The following MCUB variants were observed in gnomAD, a reference collection of about 807,000 sequenced individuals.
MCUB encodes the protein calcium uniporter regulatory subunit MCUb, mitochondrial.
Under a neutral mutation model 41.4 loss-of-function variants are expected in MCUB, and 46 were observed. The ratio of observed to expected loss-of-function variants is 1.11; its 90% confidence interval spans 0.88 to 1.42. MCUB has a LOEUF of 1.42. Among genes scored for constraint, MCUB ranks in the 40% most tolerant of loss-of-function variants. The pLI is 0.00. For synonymous variants in MCUB, 148 were observed against 148.2 expected, an observed-to-expected ratio of 1.00 and a Z score of 0.01; for missense variants, 403 against 404.9, an observed-to-expected ratio of 1.00 and a Z score of 0.04.
In MCUB at chr4:109,660,799, G is replaced by A. The variant is rs187485522; in HGVS notation, c.346+434G>A. The stretch of plus-strand genomic sequence containing the variant: ...CCATTGCACTCCAGTCTGGGCAACA[G>A]GAGTGAAACTCCATCCCAAGAAAAG... On this transcript the variant is annotated intron_variant, in intron 3 of 7. Coordinates refer to ENST00000394650, the MANE Select transcript of MCUB (RefSeq NM_017918.5). Among the ~76,000 whole-genome samples the A allele has an allele frequency of 2.0e-3, 299 of 150,890 alleles. 1 individual carries two copies. Among genetic ancestry groups the A allele is most frequent in the African/African-American group, 7.1e-3 (292 of 41,014 alleles).
At chr4:109,576,270 C>T (rs7678204) in intron 1 of MCUB, among the ~76,000 whole-genome samples, 14,639 of 152,156 alleles carry the variant, frequency 0.096, 2,096 homozygotes, top group African/African-American at 0.31. Flanking sequence ...TAGAGACATT[C>T]CTAAGTCCTC....
intron 1 of MCUB, among the ~76,000 whole-genome samples, chr4:109,624,859 G>A (rs1049421866): frequency 1.3e-5 from 2 of 152,102 alleles, no homozygotes; most frequent in Non-Finnish European, 2.9e-5. Context: ...ACCTGATGTC[G>A]GCCAGGCTGG....
At chr4:109,659,720 G>C (rs1340626731) in intron 2 of MCUB, among the ~76,000 whole-genome samples, 1 of 152,106 alleles carries the variant, frequency 6.6e-6, no homozygotes. Flanking sequence ...GCAGTGGCAC[G>C]ATCTCGGCTC....
At chr4:109,684,840 G>A (rs1260137043) in intron 6 of MCUB, 194 bp downstream of exon 6, 1 of 498,568 alleles carries the variant, frequency 2.0e-6, no homozygotes, top group African/African-American at 2.0e-5. Flanking sequence ...TAACTTCTTT[G>A]GAGAAGTAAT....
chr4:109,630,828 G>A (rs1398454369), intron 1 of MCUB, among the ~76,000 whole-genome samples: 2 of 152,110 alleles, frequency 1.3e-5, no homozygotes, highest in East Asian at 1.9e-4. Context: ...TGACCCACCC[G>A]CCTCAGCCTC....
chr4:109,591,451 C>T lies in MCUB; in HGVS notation c.99+31015C>T, dbSNP rs183135174. On this transcript the variant is annotated intron_variant, in intron 1 of 7. Coordinates refer to ENST00000394650, the MANE Select transcript of MCUB (RefSeq NM_017918.5). ...TCTGCCCTCCTTGGCCTCCCAAAGT[C>T]CTGGGATTACAGGCGTGAGCCACCA... 8.3e-3 allele frequency among the ~76,000 whole-genome samples: 1,255 copies of T among 152,036 alleles called. 6 individuals are homozygous for T. Among genetic ancestry groups the T allele is most frequent in the Non-Finnish European group, 0.014 (960 of 67,942 alleles).
At chr4:109,650,745 C>T (rs944737108) in intron 1 of MCUB, among the ~76,000 whole-genome samples, 2 of 152,152 alleles carry the variant, frequency 1.3e-5, no homozygotes, top group Non-Finnish European at 2.9e-5. Context: ...CCAATTTTTC[C>T]AATAATGTTC....
intron 4 of MCUB, among the ~76,000 whole-genome samples, chr4:109,681,086 C>T (rs1387139622): frequency 6.6e-6 from 1 of 151,978 alleles, no homozygotes; most frequent in Admixed American, 6.6e-5. Flanking sequence ...TGGGATGGAC[C>T]CCTGTGATAA....
At chr4:109,647,391 C>T (rs916241269) in intron 1 of MCUB, among the ~76,000 whole-genome samples, 10 of 152,198 alleles carry the variant, frequency 6.6e-5, no homozygotes, top group African/African-American at 2.4e-4. Context: ...ACTGTCTCCA[C>T]AGTTCTGCCT....
At chr4:109,682,772 G>C in intron 5 of MCUB, 30 bp downstream of exon 5, 1 of 1,554,392 alleles carries the variant, frequency 6.4e-7, no homozygotes, top group South Asian at 1.2e-5. Flanking sequence ...GAGTATATTT[G>C]AAAATAATAC....
chr4:109,627,846 G>C (rs1425014133), intron 1 of MCUB, among the ~76,000 whole-genome samples: 1 of 151,872 alleles, frequency 6.6e-6, no homozygotes, highest in Non-Finnish European at 1.5e-5. Flanking sequence ...CTGGGAGGTG[G>C]AGGTTGCAGT....
chr4:109,626,419 G>C (rs1321040144), intron 1 of MCUB, among the ~76,000 whole-genome samples: 1 of 152,052 alleles, frequency 6.6e-6, no homozygotes, highest in African/African-American at 2.4e-5. Context: ...TAGTACATAG[G>C]TGCTATCATC....
At chr4:109,566,257 G>A (rs930545789) in intron 1 of MCUB, among the ~76,000 whole-genome samples, 2 of 151,438 alleles carry the variant, frequency 1.3e-5, no homozygotes, top group East Asian at 3.9e-4. Flanking sequence ...ATCACGAGGT[G>A]AGGAGATCGA....
chr4:109,636,087 C>T (rs543937374), intron 1 of MCUB, among the ~76,000 whole-genome samples: 4 of 152,194 alleles, frequency 2.6e-5, no homozygotes, highest in East Asian at 1.9e-4. Flanking sequence ...AATCTAATTC[C>T]GGGACTGGGT....
chr4:109,625,357 A>T (rs1167219437), intron 1 of MCUB, among the ~76,000 whole-genome samples: 2 of 152,224 alleles, frequency 1.3e-5, no homozygotes, highest in African/African-American at 2.4e-5. Context: ...CTTCAGGCCC[A>T]GTATGCATTC....
rs912964535 is a variant in MCUB, at chr4:109,629,344, C to A, written c.100-29667C>A. On this transcript the variant is annotated intron_variant, in intron 1 of 7. Transcript: ENST00000394650. ...GAACCTGAAAATATAGGAATAAAAA[C>A]CAGTGTTTTTTCTATTGTCTTAACA... Among the ~76,000 whole-genome samples, 3 of 152,074 alleles carry A rather than the reference C, an allele frequency of 2.0e-5. No homozygotes were observed. The South Asian group carries it at 6.2e-4, about 32-fold the overall frequency.
chr4:109,685,185 T>C (rs1729809736), intron 6 of MCUB, 66 bp from the exon 7 acceptor site: 4 of 717,046 alleles, frequency 5.6e-6, no homozygotes, highest in African/African-American at 5.3e-5. Context: ...GTCAAGTATC[T>C]TTCTTGCAGA....
At chr4:109,599,415 A>C (rs766258015) in intron 1 of MCUB, among the ~76,000 whole-genome samples, 18 of 151,532 alleles carry the variant, frequency 1.2e-4, no homozygotes, top group South Asian at 6.3e-4. Flanking sequence ...CTTTTTTCTG[A>C]ATCTAAATTT....
chr4:109,572,136 T>A (rs1305330507), intron 1 of MCUB, among the ~76,000 whole-genome samples: 1 of 152,258 alleles, frequency 6.6e-6, no homozygotes, highest in South Asian at 2.1e-4. Context: ...AAAAGTAATT[T>A]GAGCTAGAAC....
Sources: allele counts gnomAD v4.1 joint callset (sites outside exome capture counted in the v4.1 genomes callset), GRCh38; gene constraint gnomAD v4.1.1; transcripts MANE v1.5; gene names NCBI Gene and HGNC (gene_info 2026-07-23, HGNC 2026-07-21).